Variants in MAGI1 observed in about 807,000 individuals in gnomAD.
MAGI1 encodes membrane associated guanylate kinase, WW and PDZ domain containing 1.
In MAGI1, 58 loss-of-function variants were observed where a neutral mutation model predicts 139.9. That is an observed-to-expected ratio of 0.41 (90% confidence interval 0.34 to 0.52). The LOEUF is 0.52. Ranked by LOEUF, MAGI1 falls within the 20% of genes least tolerant of loss-of-function variation. The pLI, the probability that MAGI1 is intolerant of heterozygous loss-of-function variation, is 0.12. For missense variants in MAGI1, 1,874 were observed against 1,901.6 expected, an observed-to-expected ratio of 0.99 and a Z score of 0.27; for synonymous variants, 812 against 737.9, an observed-to-expected ratio of 1.10 and a Z score of -1.63.
At chr3:65,611,343 T>C (rs1427479342) in intron 2 of MAGI1, among the ~76,000 whole-genome samples, 4 of 143,350 alleles carry the variant, frequency 2.8e-5, no homozygotes, top group East Asian at 2.1e-4. Context: ...ATACATATAC[T>C]ATATAGAGTA....
chr3:65,403,536 T>A (rs1209063229), intron 12 of MAGI1, among the ~76,000 whole-genome samples: 1 of 152,198 alleles, frequency 6.6e-6, no homozygotes, highest in Admixed American at 6.5e-5. Context: ...TAAGATGACA[T>A]CTTTAAATTC....
intron 1 of MAGI1, among the ~76,000 whole-genome samples, chr3:65,691,378 C>T (rs67821039): frequency 0.12 from 17,650 of 151,268 alleles, 1,594 homozygotes; most frequent in East Asian, 0.43. Flanking sequence ...CATACCACAG[C>T]CCCCTCTTGG....
At chr3:65,564,272 G>A (rs968725212) in intron 2 of MAGI1, among the ~76,000 whole-genome samples, 1 of 151,318 alleles carries the variant, frequency 6.6e-6, no homozygotes, top group African/African-American at 2.4e-5. Flanking sequence ...AAAAAAAAAG[G>A]CAGAACAAAT....
intron 1 of MAGI1, among the ~76,000 whole-genome samples, chr3:65,865,916 A>C (rs1455419687): frequency 6.6e-6 from 1 of 152,192 alleles, no homozygotes; most frequent in Non-Finnish European, 1.5e-5. Flanking sequence ...CTGGGATTAC[A>C]GGCATGAGCC....
chr3:65,856,769 C>T lies in MAGI1; in HGVS notation c.313+181227G>A, dbSNP rs372603971. The stretch of plus-strand genomic sequence containing the variant: ...TGAAGTTGGGAGCTGATGGTCTTAA[C>T]CCTCTCTGCAAAACTACAACGGTCT... On this transcript the variant is annotated intron_variant, in intron 1 of 22. Coordinates refer to ENST00000402939, the MANE Select transcript of MAGI1 (RefSeq NM_001033057.2). 1.6e-4 allele frequency among the ~76,000 whole-genome samples: 24 copies of T among 152,318 alleles called. No homozygotes were observed. The East Asian group carries it at 3.1e-3, about 20-fold the overall frequency.
chr3:65,994,470 C>A (rs1427770023), intron 1 of MAGI1, among the ~76,000 whole-genome samples: 1 of 152,178 alleles, frequency 6.6e-6, no homozygotes, highest in African/African-American at 2.4e-5. Flanking sequence ...CCCAGTCGGT[C>A]CACCCTGGGT....
chr3:65,662,375 G>A (rs1445070825), intron 1 of MAGI1, among the ~76,000 whole-genome samples: 1 of 152,150 alleles, frequency 6.6e-6, no homozygotes, highest in Non-Finnish European at 1.5e-5. Context: ...ATTATTTTAG[G>A]CTTTGCAGAC....
chr3:65,700,159 G>A (rs1206589367), intron 1 of MAGI1, among the ~76,000 whole-genome samples: 1 of 152,042 alleles, frequency 6.6e-6, no homozygotes, highest in East Asian at 1.9e-4. Flanking sequence ...AGAATCAATA[G>A]CAGGCTGGGC....
chr3:65,961,218 G>C (rs2064409014), intron 1 of MAGI1, among the ~76,000 whole-genome samples: 1 of 152,182 alleles, frequency 6.6e-6, no homozygotes, highest in South Asian at 2.1e-4. Flanking sequence ...AGGACAGACA[G>C]CTAGGAAACG....
chr3:65,964,613 T>C (rs541386798), intron 1 of MAGI1, among the ~76,000 whole-genome samples: 1 of 152,238 alleles, frequency 6.6e-6, no homozygotes, highest in East Asian at 1.9e-4. Flanking sequence ...CCGGTGAGTA[T>C]GTGGTTCTCT....
intron 1 of MAGI1, among the ~76,000 whole-genome samples, chr3:65,988,686 TGTCTCATTCTGA>T (rs1376725005): frequency 6.6e-6 from 1 of 152,254 alleles, no homozygotes; most frequent in Non-Finnish European, 1.5e-5. Flanking sequence ...TGAGCCCAGC[TGTCTCATTCTGA>T]GGACAATCAA....
At chr3:66,018,155 T>C (rs1005284364) in intron 1 of MAGI1, among the ~76,000 whole-genome samples, 12 of 151,348 alleles carry the variant, frequency 7.9e-5, no homozygotes, top group Non-Finnish European at 1.3e-4. Flanking sequence ...AATGTTGTTT[T>C]CTTTTACAAG....
At chr3:65,893,504 C>A (rs2060849368) in intron 1 of MAGI1, among the ~76,000 whole-genome samples, 1 of 152,068 alleles carries the variant, frequency 6.6e-6, no homozygotes, top group Non-Finnish European at 1.5e-5. Context: ...TAATGACAAG[C>A]AACATTTATT....
chr3:65,469,008 C>T (rs1371144554), intron 5 of MAGI1, among the ~76,000 whole-genome samples: 2 of 144,946 alleles, frequency 1.4e-5, no homozygotes, highest in African/African-American at 2.6e-5. Flanking sequence ...TACACACACA[C>T]ACAAAGTATA....
intron 2 of MAGI1, among the ~76,000 whole-genome samples, chr3:65,571,676 G>T (rs1197252540): frequency 6.6e-6 from 1 of 151,608 alleles, no homozygotes; most frequent in African/African-American, 2.4e-5. Flanking sequence ...AAGACATTTG[G>T]TAGGGTTTTT....
chr3:65,759,792 C>A (rs937565169), intron 1 of MAGI1, among the ~76,000 whole-genome samples: 1 of 152,126 alleles, frequency 6.6e-6, no homozygotes, highest in Non-Finnish European at 1.5e-5. Flanking sequence ...AGAGTCTATA[C>A]CTCCTTATTT....
At chr3:65,904,213 T>C (rs1182881080) in intron 1 of MAGI1, among the ~76,000 whole-genome samples, 1 of 152,182 alleles carries the variant, frequency 6.6e-6, no homozygotes, top group African/African-American at 2.4e-5. Flanking sequence ...TCACAAAATA[T>C]GCAGCAAGGA....
chr3:65,799,260 T>C (rs2040359995), intron 1 of MAGI1, among the ~76,000 whole-genome samples: 2 of 152,138 alleles, frequency 1.3e-5, no homozygotes, highest in Admixed American at 6.6e-5. Flanking sequence ...AAGTACTTAG[T>C]TCAAAAGGAA....
chr3:65,705,945 T>C (rs1028214550), intron 1 of MAGI1, among the ~76,000 whole-genome samples: 1 of 152,218 alleles, frequency 6.6e-6, no homozygotes. Context: ...TATATTTCTG[T>C]AGATGAAATG....
Sources: gnomAD v4.1 joint callset for allele counts (sites outside exome capture counted in the v4.1 genomes callset) on GRCh38, gnomAD v4.1.1 for gene constraint, MANE v1.5 for transcripts, NCBI Gene and HGNC (gene_info 2026-07-23, HGNC 2026-07-21) for gene names.